FLVCR2: variants seen among roughly 807,000 people sequenced by gnomAD.
FLVCR2 encodes choline/ethanolamine transporter FLVCR2.
A neutral mutation model predicts 48.9 loss-of-function variants in FLVCR2; 38 were observed. That is an observed-to-expected ratio of 0.78 (90% CI 0.60 to 1.02). The LOEUF is 1.02. FLVCR2 is among the 50% of genes least tolerant of loss of function. The pLI, the probability that FLVCR2 is intolerant of heterozygous loss-of-function variation, is 0.00. For missense variants in FLVCR2, 664 were observed against 663.3 expected, an observed-to-expected ratio of 1.00 and a Z score of -0.01; for synonymous variants, 255 against 257.0, an observed-to-expected ratio of 0.99 and a Z score of 0.07.
At chr14:75,628,307 G>A (rs1300186981) in intron 3 of FLVCR2, among the ~76,000 whole-genome samples, 1 of 152,000 alleles carries the variant, frequency 6.6e-6, no homozygotes, top group East Asian at 1.9e-4. Context: ...TAGAGACAGG[G>A]TTTCACCATG....
intron 6 of FLVCR2, 127 bp from the exon 7 acceptor site, chr14:75,640,828 G>A: frequency 1.4e-6 from 1 of 735,002 alleles, no homozygotes; most frequent in South Asian, 1.5e-5. Flanking sequence ...CAGATCATTA[G>A]AGGGCCTAGT....
intron 5 of FLVCR2, among the ~76,000 whole-genome samples, chr14:75,637,112 T>G (rs940512158): frequency 6.6e-6 from 1 of 152,216 alleles, no homozygotes; most frequent in African/African-American, 2.4e-5. Flanking sequence ...GCATCGTTAT[T>G]CCCGCATGCA....
In FLVCR2 at chr14:75,647,329, T is replaced by A. The variant is rs1260880501; in HGVS notation, c.*857T>A. ...TGATGCCTTTATCTTGATGTTGCAT[T>A]GGGAATCTCAGCCATCAGCCCAAGT... On this transcript the variant is annotated 3_prime_UTR_variant, in exon 10 of 10. Coordinates refer to ENST00000238667, the MANE Select transcript of FLVCR2 (RefSeq NM_017791.3). 1 of 152,236 alleles carries A rather than the reference T, an allele frequency of 6.6e-6. No homozygotes were observed. 9.4% of individuals were successfully genotyped at this position (152,236 alleles called of 1,614,324 possible). A position where few individuals can be genotyped will look rare whatever the true frequency, so the allele number is the denominator to read the frequency against.
chr14:75,614,053 T>C (rs1208103101), intron 1 of FLVCR2, among the ~76,000 whole-genome samples: 2 of 152,206 alleles, frequency 1.3e-5, no homozygotes, highest in Non-Finnish European at 2.9e-5. Context: ...CTAATAACTG[T>C]ATCATGTAAA....
At chr14:75,608,336 C>T (rs1889350688) in intron 1 of FLVCR2, among the ~76,000 whole-genome samples, 1 of 152,212 alleles carries the variant, frequency 6.6e-6, no homozygotes, top group African/African-American at 2.4e-5. Flanking sequence ...TTGAGCTGAG[C>T]TGTTCGGCGG....
chr14:75,622,454 C>T (rs1594807516), intron 2 of FLVCR2, among the ~76,000 whole-genome samples: 1 of 152,136 alleles, frequency 6.6e-6, no homozygotes, highest in African/African-American at 2.4e-5. Context: ...TTGTCATTAA[C>T]CAGTTCCCCA....
At chr14:75,635,237 T>C (rs1371937294) in intron 5 of FLVCR2, among the ~76,000 whole-genome samples, 1 of 152,158 alleles carries the variant, frequency 6.6e-6, no homozygotes, top group Non-Finnish European at 1.5e-5. Context: ...CTACTGGACT[T>C]GAAGGCCTAG....
rs1267655196 is a variant in FLVCR2 at position 75,646,716 on chromosome 14, G to A, written c.*244G>A. The stretch of plus-strand genomic sequence containing the variant: ...CACCTCCACCCCCTTTTAGGTTATG[G>A]GAGTTGGTGTTGGGACAGGGTGGCA... On this transcript the variant is annotated 3_prime_UTR_variant, in exon 10 of 10. Transcript: ENST00000238667. 6 of 527,048 alleles carry A rather than the reference G, an allele frequency of 1.1e-5. No homozygotes were observed. Among genetic ancestry groups the A allele is most frequent in the Non-Finnish European group, 2.1e-5 (6 of 284,122 alleles). 32.6% of individuals were successfully genotyped at this position (527,048 alleles called of 1,614,324 possible).
At chr14:75,582,475 G>T (rs1888634578) in intron 1 of FLVCR2, among the ~76,000 whole-genome samples, 1 of 152,224 alleles carries the variant, frequency 6.6e-6, no homozygotes, top group African/African-American at 2.4e-5. Context: ...GAGAACTGTA[G>T]AGAGTGAGTT....
rs199899307 is a variant in FLVCR2, at chr14:75,600,884, A to C, written c.670-21195A>C. 7.5e-4 allele frequency among the ~76,000 whole-genome samples: 114 copies of C among 152,146 alleles called. No homozygotes were observed. The East Asian group carries it at 0.015, about 20-fold the overall frequency. ...TCTTTACAACTCAACCGCAAAAAAA[A>C]AAACAAACAAACAATCCAATTTAAA... On this transcript the variant is annotated intron_variant, in intron 1 of 9. Coordinates refer to ENST00000238667, the MANE Select transcript of FLVCR2 (RefSeq NM_017791.3).
Position 75,579,527 on chromosome 14 carries a change from C to T in FLVCR2, c.555C>T (p.Leu185=), listed in dbSNP as rs770423228. 4.3e-6 allele frequency: 7 copies of T among 1,613,502 alleles called. No homozygotes were observed. The East Asian group carries it at 1.3e-4, about 31-fold the overall frequency. The part of the protein sequence containing the change: ...HLFPVTVVGQ[L]ICSVAQVFIL... ...TTCCGGTCACCGTGGTGGGCCAGCT[C>T]ATCTGCTCTGTGGCCCAGGTTTTCA... The change falls in exon 1 of 10, where the codon CTC becomes CTT. Residue 185 remains leucine (L), a synonymous_variant. Coordinates refer to ENST00000238667, the MANE Select transcript of FLVCR2 (RefSeq NM_017791.3).
In FLVCR2 at chr14:75,622,073, C is replaced by T. The variant is rs772031059; in HGVS notation, c.670-6C>T. ...ACTGTGATTGGGTTGTCTCTGTCTTCTATAGCTTGGAATTGCGATTGGGTT... is the reference window on the plus strand; with the variant it reads ...ACTGTGATTGGGTTGTCTCTGTCTTTTATAGCTTGGAATTGCGATTGGGTT... On this transcript the variant is annotated splice_region_variant and splice_polypyrimidine_tract_variant and intron_variant, in intron 1 of 9. Transcript: ENST00000238667. 1 of 1,614,166 alleles carries T rather than the reference C, an allele frequency of 6.2e-7. No individual in the cohort carries two copies. Among genetic ancestry groups the T allele is most frequent in the Non-Finnish European group, 8.5e-7 (1 of 1,180,020 alleles).
intron 1 of FLVCR2, chr14:75,605,504 A>G (rs1889267791): frequency 4.6e-6 from 7 of 1,527,994 alleles, no homozygotes; most frequent in Non-Finnish European, 6.1e-6. Context: ...TTCCTTTTTC[A>G]TGCTGTGCAA....
intron 1 of FLVCR2, among the ~76,000 whole-genome samples, chr14:75,608,576 C>T (rs1889357345): frequency 6.6e-6 from 1 of 152,190 alleles, no homozygotes; most frequent in Admixed American, 6.5e-5. Flanking sequence ...ATCCTGAGGG[C>T]ATGGTGGTCC....
chr14:75,624,723 T>C lies in FLVCR2; in HGVS notation c.923T>C (p.Leu308Pro), dbSNP rs755939090. 6.2e-7 allele frequency: 1 copy of C among 1,614,186 alleles called. No individual in the cohort carries two copies. Among genetic ancestry groups the C allele is most frequent in the East Asian group, 2.2e-5 (1 of 44,876 alleles). Residue 308 changes from leucine to proline, a missense_variant, in exon 3 of 10, where the codon CTC becomes CCC. Transcript: ENST00000238667. The part of the protein sequence containing the change: ...LGSIARLFKN[L>P]NFVLLVITYG... ...TCCATCGCCCGGCTCTTCAAAAATC[T>C]CAACTTTGTGCTGCTTGTCATCACC...
chr14:75,644,506 G>A (rs1032349627), intron 9 of FLVCR2, among the ~76,000 whole-genome samples: 1 of 152,166 alleles, frequency 6.6e-6, no homozygotes, highest in African/African-American at 2.4e-5. Context: ...TTTGAGTGTG[G>A]GGTGCTGGAA....
At chr14:75,619,939 T>C (rs1165566096) in intron 1 of FLVCR2, among the ~76,000 whole-genome samples, 1 of 152,176 alleles carries the variant, frequency 6.6e-6, no homozygotes, top group Non-Finnish European at 1.5e-5. Context: ...GGCAGAAGAT[T>C]AACTGAGAAT....
At position 75,578,729 on chromosome 14, in the gene FLVCR2, T is replaced by TGCGGCCGGCCTTGGGACA. The variant is rs1272877353; in HGVS notation, c.-240_-223dup. The TGCGGCCGGCCTTGGGACA allele has an allele frequency of 1.4e-5, 8 of 584,766 alleles. No homozygotes were observed. Among genetic ancestry groups the TGCGGCCGGCCTTGGGACA allele is most frequent in the Non-Finnish European group, 2.4e-5 (8 of 329,200 alleles). The allele number at this position is 584,766 out of a possible 1,614,324, so 36.2% of individuals were successfully genotyped here. On this transcript the variant is annotated 5_prime_UTR_variant, in exon 1 of 10. Transcript: ENST00000238667. ...GCGGTCCGGAGCCGGCTGCGGCGTG[T>TGCGGCCGGCCTTGGGACA]GCGGCCGGCCTTGGGACAGCGATCG...
At chr14:75,633,756 GGCA>G in intron 4 of FLVCR2, 60 bp downstream of exon 4, 2 of 1,317,882 alleles carry the variant, frequency 1.5e-6, no homozygotes, top group South Asian at 2.3e-5. Context: ...AGTCTGTCTT[GGCA>G]GGACCTGGGA....
Sources: allele counts gnomAD v4.1 joint callset (sites outside exome capture counted in the v4.1 genomes callset), GRCh38; gene constraint gnomAD v4.1.1; transcripts MANE v1.5; gene names NCBI Gene and HGNC (gene_info 2026-07-23, HGNC 2026-07-21).